The following DLGAP1 variants were observed in gnomAD, a reference collection of about 807,000 sequenced individuals.
DLGAP1 encodes disks large-associated protein 1.
Under a neutral mutation model 90.8 loss-of-function variants are expected in DLGAP1, and 11 were observed. That is an observed-to-expected ratio of 0.12 (90% confidence interval 0.08 to 0.20). The LOEUF (loss-of-function observed/expected upper bound fraction) is 0.20, where lower values mean the gene tolerates loss of function less well. Among genes scored for constraint, DLGAP1 ranks in the 10% least tolerant of loss-of-function variants. The probability of loss-of-function intolerance (pLI) is 1.00; values close to 1 mark genes in which losing one functional copy is unlikely to be tolerated. For synonymous variants in DLGAP1, 558 were observed against 540.7 expected, an observed-to-expected ratio of 1.03 and a Z score of -0.44; for missense variants, 1,050 against 1,333.8, an observed-to-expected ratio of 0.79 and a Z score of 3.31.
intron 1 of DLGAP1, among the ~76,000 whole-genome samples, chr18:4,386,443 C>T (rs8085598): frequency 0.042 from 6,419 of 152,226 alleles, 429 homozygotes; most frequent in African/African-American, 0.15. Context: ...CAGGAGATTA[C>T]AGTCCACTGG....
intron 2 of DLGAP1, among the ~76,000 whole-genome samples, chr18:4,088,036 T>C (rs2075712568): frequency 6.6e-6 from 1 of 151,918 alleles, no homozygotes; most frequent in Admixed American, 6.6e-5. Context: ...ATTTTTATCA[T>C]TCTATTTTTC....
At chr18:3,549,493 C>T (rs952491339) in intron 9 of DLGAP1, among the ~76,000 whole-genome samples, 1 of 152,096 alleles carries the variant, frequency 6.6e-6, no homozygotes, top group Admixed American at 6.5e-5. Flanking sequence ...TCACCACACC[C>T]AGCTAATTTT....
At chr18:4,205,099 G>T (rs2077694403) in intron 1 of DLGAP1, among the ~76,000 whole-genome samples, 1 of 152,168 alleles carries the variant, frequency 6.6e-6, no homozygotes, top group African/African-American at 2.4e-5. Context: ...TATACAAGTT[G>T]CTGTGGGAAC....
chr18:3,736,502 G>T (rs1462951749), intron 6 of DLGAP1, among the ~76,000 whole-genome samples: 1 of 152,092 alleles, frequency 6.6e-6, no homozygotes, highest in African/African-American at 2.4e-5. Flanking sequence ...AATGTGTCAG[G>T]TTTTAAAGGG....
intron 7 of DLGAP1, chr18:3,721,691 A>G (rs1249062065): frequency 6.6e-6 from 1 of 152,192 alleles, no homozygotes; most frequent in African/African-American, 2.4e-5. Context: ...GAAAGAATGA[A>G]AGAAAAAAGC....
intron 2 of DLGAP1, among the ~76,000 whole-genome samples, chr18:4,137,500 T>C (rs2076424812): frequency 1.3e-5 from 2 of 152,230 alleles, no homozygotes. Context: ...TCTGTTTTTA[T>C]GCCAGTAAAA....
chr18:3,734,400 G>A (rs1020503117), intron 6 of DLGAP1, among the ~76,000 whole-genome samples: 18 of 152,090 alleles, frequency 1.2e-4, no homozygotes, highest in Admixed American at 1.1e-3. Flanking sequence ...CAACAGGCAC[G>A]AGCTACTGCA....
intron 2 of DLGAP1, among the ~76,000 whole-genome samples, chr18:4,144,371 T>C (rs1470613350): frequency 6.6e-6 from 1 of 152,134 alleles, no homozygotes; most frequent in Non-Finnish European, 1.5e-5. Context: ...CCACATTGCT[T>C]TCCACTGTGA....
At chr18:3,611,340 C>T (rs746143503) in intron 7 of DLGAP1, among the ~76,000 whole-genome samples, 12 of 152,042 alleles carry the variant, frequency 7.9e-5, no homozygotes, top group Admixed American at 2.6e-4. Context: ...ATTGCTGCTC[C>T]ATCTTTTATA....
chr18:3,929,763 T>C (rs553539804), intron 3 of DLGAP1, among the ~76,000 whole-genome samples: 5 of 152,332 alleles, frequency 3.3e-5, no homozygotes, highest in Admixed American at 2.6e-4. Context: ...ATGCTGTGGA[T>C]TTTGGTCATC....
intron 2 of DLGAP1, among the ~76,000 whole-genome samples, chr18:4,018,179 T>C (rs2074553344): frequency 6.6e-6 from 1 of 152,164 alleles, no homozygotes; most frequent in Admixed American, 6.5e-5. Context: ...GATTGTGAGA[T>C]GGAGATCTGT....
intron 3 of DLGAP1, chr18:3,978,604 C>A: frequency 4.6e-6 from 1 of 215,862 alleles, no homozygotes; most frequent in South Asian, 8.6e-5. Flanking sequence ...CTCTGGCCTT[C>A]ACCTTCACCA....
chr18:3,688,352 A>C (rs2060773649), intron 7 of DLGAP1, among the ~76,000 whole-genome samples: 1 of 152,214 alleles, frequency 6.6e-6, no homozygotes, highest in Admixed American at 6.5e-5. Context: ...TGAGATACAA[A>C]GTAGAAATCC....
At chr18:3,631,868 C>T (rs924096837) in intron 7 of DLGAP1, among the ~76,000 whole-genome samples, 12 of 152,192 alleles carry the variant, frequency 7.9e-5, no homozygotes, top group Admixed American at 6.5e-5. Flanking sequence ...ATTGCAACCT[C>T]GACCTCCCAG....
At chr18:4,028,685 G>A (rs936086242) in intron 2 of DLGAP1, among the ~76,000 whole-genome samples, 4 of 152,022 alleles carry the variant, frequency 2.6e-5, no homozygotes, top group East Asian at 1.9e-4. Context: ...ATCCAGTCAC[G>A]CCTCACTGAT....
At chr18:4,136,991 C>T (rs930445687) in intron 2 of DLGAP1, among the ~76,000 whole-genome samples, 2 of 152,100 alleles carry the variant, frequency 1.3e-5, no homozygotes, top group African/African-American at 2.4e-5. Context: ...TGTTGGTGTG[C>T]TGCACCCATT....
At chr18:3,962,608 T>C (rs1295087875) in intron 3 of DLGAP1, among the ~76,000 whole-genome samples, 3 of 152,216 alleles carry the variant, frequency 2.0e-5, no homozygotes, top group Non-Finnish European at 2.9e-5. Flanking sequence ...AATTCCTATT[T>C]GATAGACGTT....
At chr18:3,763,798 A>G (rs2064087095) in intron 5 of DLGAP1, among the ~76,000 whole-genome samples, 1 of 151,836 alleles carries the variant, frequency 6.6e-6, no homozygotes, top group African/African-American at 2.4e-5. Flanking sequence ...AGTAGCTCGG[A>G]TTACAGGCAT....
chr18:3,978,237 T>C (rs960948695), intron 3 of DLGAP1: 3 of 429,788 alleles, frequency 7.0e-6, no homozygotes, highest in Non-Finnish European at 1.4e-5. Flanking sequence ...TTCATGCCCA[T>C]CAGCAGAGGG....
Sources: gnomAD v4.1 joint callset for allele counts (sites outside exome capture counted in the v4.1 genomes callset) on GRCh38, gnomAD v4.1.1 for gene constraint, MANE v1.5 for transcripts, NCBI Gene and HGNC (gene_info 2026-07-23, HGNC 2026-07-21) for gene names.